The following FRMD5 variants were observed in gnomAD, a reference collection of about 807,000 sequenced individuals.
The protein encoded by FRMD5 is FERM domain-containing protein 5.
FRMD5 carries 20 observed loss-of-function variants against 69.0 expected under a neutral mutation model. The ratio of observed to expected loss-of-function variants is 0.29; its 90% CI spans 0.20 to 0.42. The LOEUF is 0.42. Among genes scored for constraint, FRMD5 ranks in the 10% least tolerant of loss-of-function variants. The probability of loss-of-function intolerance (pLI) is 1.00; values close to 1 mark genes in which losing one functional copy is unlikely to be tolerated. For synonymous variants in FRMD5, 271 were observed against 260.1 expected (o/e 1.04, Z -0.40); for missense variants, 595 against 708.6 (o/e 0.84, Z 1.82).
intron 4 of FRMD5, among the ~76,000 whole-genome samples, chr15:43,915,434 G>C (rs527720235): frequency 6.6e-6 from 1 of 152,318 alleles, no homozygotes; most frequent in South Asian, 2.1e-4. Context: ...GTTCGTTCAT[G>C]TATGTCTTGA....
intron 1 of FRMD5, among the ~76,000 whole-genome samples, chr15:44,030,596 C>T (rs912983648): frequency 6.6e-6 from 1 of 152,078 alleles, no homozygotes; most frequent in Non-Finnish European, 1.5e-5. Context: ...TAGGAAAAAG[C>T]AAGTATGTTT....
chr15:43,889,132 A>AG (rs1440623646), intron 8 of FRMD5, among the ~76,000 whole-genome samples: 1 of 152,188 alleles, frequency 6.6e-6, no homozygotes, highest in Non-Finnish European at 1.5e-5. Context: ...AGTGGCTGTA[A>AG]AAGGGAAACA....
chr15:43,885,475 C>T (rs989777149), intron 11 of FRMD5, among the ~76,000 whole-genome samples: 2 of 152,144 alleles, frequency 1.3e-5, no homozygotes, highest in African/African-American at 4.8e-5. Context: ...TATGGCCGGC[C>T]AATATACATT....
intron 3 of FRMD5, 36 bp from the exon 4 acceptor site, chr15:43,919,573 C>G (rs757284809): frequency 6.2e-7 from 1 of 1,603,392 alleles, no homozygotes; most frequent in Non-Finnish European, 8.5e-7. Context: ...AGGGAAGACT[C>G]TCACCCAGAA....
intron 1 of FRMD5, among the ~76,000 whole-genome samples, chr15:44,040,214 G>A (rs559559377): frequency 6.6e-6 from 1 of 152,220 alleles, no homozygotes; most frequent in South Asian, 2.1e-4. Flanking sequence ...AAGTAGCAGG[G>A]AGAATGGAAC....
At chr15:44,097,119 C>T (rs1333818292) in intron 1 of FRMD5, among the ~76,000 whole-genome samples, 1 of 152,150 alleles carries the variant, frequency 6.6e-6, no homozygotes, top group Non-Finnish European at 1.5e-5. Flanking sequence ...TAGTATGGAA[C>T]ATGCAGGATT....
At chr15:43,883,128 C>G (rs979319987) in intron 13 of FRMD5, among the ~76,000 whole-genome samples, 1 of 148,706 alleles carries the variant, frequency 6.7e-6, no homozygotes, top group African/African-American at 2.5e-5. Context: ...TTTTTTTGGA[C>G]AGTCTCCTTT....
At chr15:44,063,567 C>T (rs572252154) in intron 1 of FRMD5, 2 of 523,284 alleles carry the variant, frequency 3.8e-6, no homozygotes, top group South Asian at 2.9e-5. Flanking sequence ...ACCTGGTCAC[C>T]AGGGCTGCTT....
chr15:44,185,510 G>A (rs1277481644), intron 1 of FRMD5, among the ~76,000 whole-genome samples: 5 of 152,248 alleles, frequency 3.3e-5, no homozygotes, highest in African/African-American at 7.2e-5. Flanking sequence ...CTAGAGGCAA[G>A]GCCAGGCATG....
chr15:44,105,086 CTT>C (rs71299549), intron 1 of FRMD5, among the ~76,000 whole-genome samples: 23 of 136,886 alleles, frequency 1.7e-4, no homozygotes, highest in Non-Finnish European at 1.7e-4. Flanking sequence ...AAATTCTTTT[CTT>C]TTTTTTTTTT....
intron 1 of FRMD5, among the ~76,000 whole-genome samples, chr15:44,141,083 T>C (rs925498329): frequency 2.6e-5 from 4 of 151,328 alleles, no homozygotes; most frequent in Non-Finnish European, 5.9e-5. Flanking sequence ...GTGGAAAAAA[T>C]CCTACAAAAT....
chr15:44,088,313 C>T (rs949824286), intron 1 of FRMD5, among the ~76,000 whole-genome samples: 1 of 152,112 alleles, frequency 6.6e-6, no homozygotes, highest in Admixed American at 6.6e-5. Flanking sequence ...TTTCCATTAA[C>T]TCTCTCCCCA....
chr15:44,096,916 G>C (rs2076562157), intron 1 of FRMD5, among the ~76,000 whole-genome samples: 1 of 152,148 alleles, frequency 6.6e-6, no homozygotes, highest in South Asian at 2.1e-4. Context: ...GGATGATGGT[G>C]AGTGACCCTT....
chr15:43,882,043 G>C (rs2088542937), intron 13 of FRMD5, among the ~76,000 whole-genome samples: 1 of 152,184 alleles, frequency 6.6e-6, no homozygotes, highest in Non-Finnish European at 1.5e-5. Flanking sequence ...CGCTGTGTGA[G>C]ATTTCTGAGG....
intron 1 of FRMD5, among the ~76,000 whole-genome samples, chr15:44,159,777 A>C (rs746308743): frequency 2.6e-5 from 4 of 152,206 alleles, no homozygotes; most frequent in Non-Finnish European, 4.4e-5. Context: ...GGATCTGTGG[A>C]CTTTGTGCTG....
At chr15:43,950,564 G>A (rs1348123323) in intron 1 of FRMD5, among the ~76,000 whole-genome samples, 1 of 152,140 alleles carries the variant, frequency 6.6e-6, no homozygotes, top group East Asian at 1.9e-4. Flanking sequence ...GAGAGACACC[G>A]ACTGAGCCTC....
At chr15:43,944,356 T>TA (rs1248400142) in intron 1 of FRMD5, among the ~76,000 whole-genome samples, 1 of 152,238 alleles carries the variant, frequency 6.6e-6, no homozygotes, top group Non-Finnish European at 1.5e-5. Context: ...CCCTTTAATC[T>TA]ATTAACGCAT....
At chr15:43,927,629 C>A (rs1349472342) in intron 1 of FRMD5, among the ~76,000 whole-genome samples, 1 of 152,174 alleles carries the variant, frequency 6.6e-6, no homozygotes, top group Non-Finnish European at 1.5e-5. Context: ...TCTCTCAGAG[C>A]AACTGAAATG....
chr15:44,037,212 C>T (rs554047558), intron 1 of FRMD5, among the ~76,000 whole-genome samples: 1 of 152,212 alleles, frequency 6.6e-6, no homozygotes, highest in Admixed American at 6.5e-5. Context: ...TGTTCACCTC[C>T]CACTTATGAG....
Sources: gnomAD v4.1 joint callset for allele counts (sites outside exome capture counted in the v4.1 genomes callset) on GRCh38, gnomAD v4.1.1 for gene constraint, MANE v1.5 for transcripts, NCBI Gene and HGNC (gene_info 2026-07-23, HGNC 2026-07-21) for gene names.